Variants in ULK4 observed in about 807,000 individuals in gnomAD.
ULK4 encodes unc-51 like kinase 4.
A neutral mutation model predicts 160.6 loss-of-function variants in ULK4; 133 were observed. The observed-to-expected ratio is 0.83, with a 90% CI of 0.72 to 0.96. The LOEUF (loss-of-function observed/expected upper bound fraction) is 0.96. Among genes scored for constraint, ULK4 ranks in the 40% least tolerant of loss-of-function variants. The pLI is 0.00. For missense variants in ULK4, 1,580 were observed against 1,499.5 expected (o/e 1.05, Z -0.89); for synonymous variants, 534 against 539.8 (o/e 0.99, Z 0.15).
At chr3:41,819,710 A>G (rs1486967320) in intron 18 of ULK4, among the ~76,000 whole-genome samples, 1 of 152,184 alleles carries the variant, frequency 6.6e-6, no homozygotes, top group Non-Finnish European at 1.5e-5. Flanking sequence ...TCTATTTCTC[A>G]TTGCATTATA....
intron 16 of ULK4, among the ~76,000 whole-genome samples, chr3:41,893,308 C>T (rs1190603413): frequency 3.9e-5 from 6 of 152,026 alleles, no homozygotes; most frequent in Non-Finnish European, 7.4e-5. Context: ...GCATAATTTA[C>T]AATTAACAAA....
At chr3:41,921,015 A>G (rs1407004998) in intron 5 of ULK4, among the ~76,000 whole-genome samples, 1 of 152,200 alleles carries the variant, frequency 6.6e-6, no homozygotes, top group Non-Finnish European at 1.5e-5. Context: ...TGCCTAAACT[A>G]GTCAAATTAA....
intron 3 of ULK4, 54 bp from the exon 4 acceptor site, chr3:41,935,994 C>T (rs1699763989): frequency 2.7e-6 from 4 of 1,505,198 alleles, no homozygotes; most frequent in Non-Finnish European, 3.6e-6. Context: ...TCACAGAGTG[C>T]CCCTGAGAGG....
At chr3:41,448,984 C>T (rs1305751601) in intron 34 of ULK4, among the ~76,000 whole-genome samples, 1 of 152,162 alleles carries the variant, frequency 6.6e-6, no homozygotes, top group African/African-American at 2.4e-5. Flanking sequence ...CTCCTGGTTT[C>T]TCGGCTCACT....
intron 30 of ULK4, among the ~76,000 whole-genome samples, chr3:41,619,106 A>G (rs2033120373): frequency 6.6e-6 from 1 of 152,196 alleles, no homozygotes; most frequent in South Asian, 2.1e-4. Context: ...TGCACCCAAT[A>G]CAGGAGGACC....
At chr3:41,702,805 T>C (rs960485207) in intron 27 of ULK4, among the ~76,000 whole-genome samples, 4 of 151,036 alleles carry the variant, frequency 2.6e-5, no homozygotes, top group African/African-American at 4.9e-5. Context: ...CAGTAATTTA[T>C]AGAAAAAGCA....
At chr3:41,948,082 G>GT (rs1233798178) in intron 2 of ULK4, among the ~76,000 whole-genome samples, 1 of 152,080 alleles carries the variant, frequency 6.6e-6, no homozygotes, top group East Asian at 1.9e-4. Flanking sequence ...CCAGTTCTGG[G>GT]TATTTCCCTC....
At chr3:41,836,050 T>C (rs542549019) in intron 17 of ULK4, 79 bp from the exon 18 acceptor site, 5 of 972,862 alleles carry the variant, frequency 5.1e-6, no homozygotes, top group South Asian at 1.6e-5. Context: ...AAAAGCAGGA[T>C]ACCCTGTAAA....
intron 22 of ULK4, among the ~76,000 whole-genome samples, chr3:41,749,491 A>T (rs1212332899): frequency 6.6e-6 from 1 of 152,230 alleles, no homozygotes; most frequent in Non-Finnish European, 1.5e-5. Context: ...TCAAAAAAAT[A>T]AAAAATAGGC....
At chr3:41,546,982 A>G (rs191737960) in intron 32 of ULK4, among the ~76,000 whole-genome samples, 2 of 152,258 alleles carry the variant, frequency 1.3e-5, no homozygotes, top group East Asian at 3.9e-4. Flanking sequence ...CGTTCAAAAC[A>G]TTATTTCCAG....
intron 22 of ULK4, among the ~76,000 whole-genome samples, chr3:41,722,433 A>T (rs2037504182): frequency 6.6e-6 from 1 of 152,154 alleles, no homozygotes; most frequent in Non-Finnish European, 1.5e-5. Context: ...GTTCGAGACC[A>T]GCCTGACCAA....
chr3:41,473,273 T>A (rs2084040614), intron 32 of ULK4, among the ~76,000 whole-genome samples: 1 of 152,054 alleles, frequency 6.6e-6, no homozygotes, highest in Non-Finnish European at 1.5e-5. Context: ...AGAAAAGGCA[T>A]CCATAAAGGA....
At chr3:41,340,335 C>G (rs977119241) in intron 35 of ULK4, among the ~76,000 whole-genome samples, 12 of 152,188 alleles carry the variant, frequency 7.9e-5, no homozygotes, top group African/African-American at 2.7e-4. Flanking sequence ...ATACAGGCCT[C>G]TAGGAGAGAA....
At chr3:41,881,386 A>ATT (rs949235887) in intron 17 of ULK4, among the ~76,000 whole-genome samples, 49 of 151,956 alleles carry the variant, frequency 3.2e-4, no homozygotes, top group African/African-American at 1.2e-3. Context: ...TGAAACATAA[A>ATT]TTCTTAAAAC....
chr3:41,729,022 C>T (rs989516028), intron 22 of ULK4, among the ~76,000 whole-genome samples: 2 of 152,026 alleles, frequency 1.3e-5, no homozygotes, highest in Non-Finnish European at 2.9e-5. Context: ...TACTCATGAC[C>T]CCAACTCCTA....
chr3:41,766,707 T>G (rs1179821477), intron 21 of ULK4: 1 of 152,204 alleles, frequency 6.6e-6, no homozygotes, highest in Non-Finnish European at 1.5e-5. Flanking sequence ...TGTTTGGAGA[T>G]TCTAGCAAGG....
intron 17 of ULK4, among the ~76,000 whole-genome samples, chr3:41,847,885 T>A (rs1376967071): frequency 1.3e-5 from 2 of 152,142 alleles, no homozygotes; most frequent in Non-Finnish European, 2.9e-5. Context: ...AAAATGGACA[T>A]ACTGAACAGA....
chr3:41,690,366 C>T (rs1400151269), intron 27 of ULK4, among the ~76,000 whole-genome samples: 1 of 151,264 alleles, frequency 6.6e-6, no homozygotes, highest in Non-Finnish European at 1.5e-5. Flanking sequence ...GGGTGCAGCA[C>T]ACCAGCATGG....
chr3:41,300,840 TATATATATATATATATATA>T (rs2079776401), intron 35 of ULK4, among the ~76,000 whole-genome samples: 1 of 22,208 alleles, frequency 4.5e-5, no homozygotes, highest in Non-Finnish European at 1.1e-4. Flanking sequence ...TTACAGATTA[TATATATATATATATATATA>T]TATATATATA....
Sources: gnomAD v4.1 joint callset for allele counts (sites outside exome capture counted in the v4.1 genomes callset) on GRCh38, gnomAD v4.1.1 for gene constraint, MANE v1.5 for transcripts, NCBI Gene and HGNC (gene_info 2026-07-23, HGNC 2026-07-21) for gene names.